ZNF664: variants seen among roughly 807,000 people sequenced by gnomAD.
ZNF664 encodes the protein zinc finger protein 664.
ZNF664 carries 10 observed loss-of-function variants against 18.2 expected under a neutral mutation model. The observed-to-expected ratio is 0.55, with a 90% CI of 0.34 to 0.93. The LOEUF (loss-of-function observed/expected upper bound fraction) is 0.93, where lower values mean the gene tolerates loss of function less well. Ranked by LOEUF, ZNF664 falls within the 40% of genes least tolerant of loss-of-function variation. ZNF664 has a pLI of 0.02. For missense variants in ZNF664, 193 were observed against 319.0 expected (o/e 0.61, Z 3.01); for synonymous variants, 119 against 104.2 (o/e 1.14, Z -0.86).
intron 3 of ZNF664, among the ~76,000 whole-genome samples, chr12:124,006,569 G>A (rs752674815): frequency 6.6e-5 from 10 of 152,146 alleles, no homozygotes; most frequent in Non-Finnish European, 1.5e-4. Context: ...AATTTTAATT[G>A]TACTGAAATA....
At position 124,014,169 on chromosome 12, in the gene ZNF664, AGTG is replaced by A. The variant is rs1783954349; in HGVS notation, c.*1244_*1246del. ...GAAAATAAACTAGGGTGATGATTTT[AGTG>A]GTGGGGTGGGGTGGGGGTGGGGTGA... is the stretch of plus-strand genomic sequence containing the variant. On this transcript the variant is annotated 3_prime_UTR_variant, in exon 5 of 5. Coordinates refer to ENST00000337815, the MANE Select transcript of ZNF664 (RefSeq NM_152437.3). The A allele has an allele frequency of 1.5e-5, 1 of 67,078 alleles. No homozygotes were observed. The highest frequency in any genetic ancestry group is 7.7e-5 in the African/African-American group (1 of 13,034). The allele number at this position is 67,078 out of a possible 1,614,324, so 4.2% of individuals were successfully genotyped here.
intron 3 of ZNF664, among the ~76,000 whole-genome samples, chr12:123,999,586 A>G (rs1457956364): frequency 2.0e-5 from 3 of 152,200 alleles, no homozygotes; most frequent in Admixed American, 1.3e-4. Context: ...ACGACTTTAG[A>G]TTTTTCTGAG....
At chr12:123,975,416 T>G (rs1956677146) in intron 2 of ZNF664, among the ~76,000 whole-genome samples, 1 of 150,440 alleles carries the variant, frequency 6.6e-6, no homozygotes, top group South Asian at 2.1e-4. Context: ...TTTCTTCCTC[T>G]TCATTAAAAA....
intron 1 of ZNF664, chr12:123,973,681 C>T: frequency 1.1e-6 from 1 of 877,336 alleles, no homozygotes; most frequent in Non-Finnish European, 1.5e-6. Flanking sequence ...GGGCGAGGCC[C>T]CTCGGGAGCC....
At chr12:123,990,215 G>A (rs1956873353) in intron 3 of ZNF664, among the ~76,000 whole-genome samples, 1 of 152,180 alleles carries the variant, frequency 6.6e-6, no homozygotes, top group Non-Finnish European at 1.5e-5. Context: ...TCACAACAGT[G>A]TGTATATATG....
At chr12:123,987,343 A>G (rs1469708876) in intron 2 of ZNF664, among the ~76,000 whole-genome samples, 1 of 152,262 alleles carries the variant, frequency 6.6e-6, no homozygotes. Flanking sequence ...CTTGAGATCT[A>G]TACCTAAACT....
At chr12:123,973,581 G>A in intron 1 of ZNF664, 1 of 369,128 alleles carries the variant, frequency 2.7e-6, no homozygotes, top group African/African-American at 2.2e-5. Context: ...CGGGCGGTCG[G>A]CCGCGGGCCC....
intron 3 of ZNF664, among the ~76,000 whole-genome samples, chr12:123,988,940 G>A (rs1171522111): frequency 6.6e-6 from 1 of 152,136 alleles, no homozygotes; most frequent in African/African-American, 2.4e-5. Context: ...GCATAGCTGG[G>A]CAGGAAGAGA....
At chr12:124,005,334 T>G (rs1053337411) in intron 3 of ZNF664, among the ~76,000 whole-genome samples, 1 of 152,260 alleles carries the variant, frequency 6.6e-6, no homozygotes, top group South Asian at 2.1e-4. Flanking sequence ...TTTTGTTGAA[T>G]GACCACAGGT....
Position 124,013,673 on chromosome 12 carries a change from A to AT in ZNF664, c.*750dup, listed in dbSNP as rs1293354499. 4 of 167,150 alleles carry AT rather than the reference A, an allele frequency of 2.4e-5. No homozygotes were observed. Among genetic ancestry groups the AT allele is most frequent in the Middle Eastern group, 3.4e-3 (1 of 296 alleles). 10.4% of individuals were successfully genotyped at this position (167,150 alleles called of 1,614,324 possible). On this transcript the variant is annotated 3_prime_UTR_variant, in exon 5 of 5. Coordinates refer to ENST00000337815, the MANE Select transcript of ZNF664 (RefSeq NM_152437.3). ...GCTGCATCACATATTTTTCACTTGA[A>AT]TTTTTTTGGAAATAGCTGAATGTAA...
At chr12:124,006,468 G>C (rs546828641) in intron 3 of ZNF664, among the ~76,000 whole-genome samples, 1 of 152,330 alleles carries the variant, frequency 6.6e-6, no homozygotes, top group East Asian at 1.9e-4. Flanking sequence ...CCCAGAGCAC[G>C]TGTTCTCTCA....
intron 3 of ZNF664, among the ~76,000 whole-genome samples, chr12:124,002,449 CTGGTAGAGG>C (rs1322848633): frequency 1.3e-5 from 2 of 152,328 alleles, no homozygotes; most frequent in Admixed American, 6.5e-5. Flanking sequence ...AGGGTGACTA[CTGGTAGAGG>C]TCCAGTTGTG....
At chr12:123,992,262 A>T (rs1200568029) in intron 3 of ZNF664, among the ~76,000 whole-genome samples, 1 of 152,154 alleles carries the variant, frequency 6.6e-6, no homozygotes, top group Non-Finnish European at 1.5e-5. Context: ...GAGTGTCTGG[A>T]AGGACTGTTG....
intron 2 of ZNF664, chr12:123,974,273 C>G (rs939598619): frequency 1.1e-4 from 42 of 375,344 alleles, no homozygotes; most frequent in African/African-American, 8.3e-4. Context: ...GGAGCCTGCT[C>G]CGAACTGAAC....
chr12:123,976,632 T>C (rs1956695459), intron 2 of ZNF664, among the ~76,000 whole-genome samples: 1 of 151,644 alleles, frequency 6.6e-6, no homozygotes, highest in Non-Finnish European at 1.5e-5. Context: ...AGTCGTTGCA[T>C]GCAAGATGTG....
At chr12:123,989,029 GT>G (rs1956857196) in intron 3 of ZNF664, among the ~76,000 whole-genome samples, 1 of 152,204 alleles carries the variant, frequency 6.6e-6, no homozygotes, top group Admixed American at 6.5e-5. Flanking sequence ...CCAGAGGCTG[GT>G]TTCTCAGGCC....
At chr12:124,007,270 C>G (rs549047593) in intron 3 of ZNF664, among the ~76,000 whole-genome samples, 1 of 152,276 alleles carries the variant, frequency 6.6e-6, no homozygotes, top group South Asian at 2.1e-4. Context: ...AGTGGGAGGT[C>G]ATGTTGGACT....
At position 124,012,195 on chromosome 12, in the gene ZNF664, T is replaced by C. The variant is rs1957142195; in HGVS notation, c.51T>C (p.Asp17=). ...MCREFFSERA[D]LFMHQKIHTA... Reference sequence around the variant, plus strand: ...GGGAATTTTTCTCTGAGAGAGCAGATCTTTTTATGCATCAGAAAATTCACA... The same window carrying C: ...GGGAATTTTTCTCTGAGAGAGCAGACCTTTTTATGCATCAGAAAATTCACA... The change falls in exon 5 of 5, where the codon GAT becomes GAC. Residue 17 remains aspartate (D), a synonymous_variant. Transcript: ENST00000337815. 6.2e-7 allele frequency: 1 copy of C among 1,613,650 alleles called. No homozygotes were observed. The highest frequency in any genetic ancestry group is 2.2e-5 in the East Asian group (1 of 44,864).
At chr12:123,987,432 G>T (rs1021643858) in intron 2 of ZNF664, among the ~76,000 whole-genome samples, 2 of 152,230 alleles carry the variant, frequency 1.3e-5, no homozygotes, top group African/African-American at 4.8e-5. Context: ...TGATAGCTTT[G>T]TTGAGCCCTT....
Sources: gnomAD v4.1 joint callset for allele counts (sites outside exome capture counted in the v4.1 genomes callset) on GRCh38, gnomAD v4.1.1 for gene constraint, MANE v1.5 for transcripts, NCBI Gene and HGNC (gene_info 2026-07-23, HGNC 2026-07-21) for gene names.